Variants in ATP7B observed in about 807,000 individuals in gnomAD.
The protein encoded by ATP7B is copper-transporting ATPase 2.
Under a neutral mutation model 118.9 loss-of-function variants are expected in ATP7B, and 113 were observed. That is an observed-to-expected ratio of 0.95 (90% CI 0.82 to 1.11). The LOEUF is 1.11. Ranked by LOEUF, ATP7B falls within the 50% of genes most tolerant of loss-of-function variation. ATP7B has a pLI of 0.00. For synonymous variants in ATP7B, 777 were observed against 727.4 expected, an observed-to-expected ratio of 1.07 and a Z score of -1.10; for missense variants, 1,867 against 1,871.4, an observed-to-expected ratio of 1.00 and a Z score of 0.04.
Position 51,937,607 on chromosome 13 carries a change from T to G in ATP7B, c.3772A>C (p.Lys1258Gln). ...CCCACCATGGCGACTTTCTTCCCTT[T>G]ATTCTGGAGCTCCTGGACCTTGGCC... ...KVAKVQELQN[K>Q]GKKVAMVGDG... is the part of the protein sequence containing the mutation. The change falls in exon 18 of 21, where the codon AAA (lysine) becomes CAA (glutamine). Residue 1258 changes from lysine (K) to glutamine (Q), a missense_variant. Coordinates refer to ENST00000242839, the MANE Select transcript of ATP7B (RefSeq NM_000053.4). 1 of 1,614,262 alleles carries G rather than the reference T, an allele frequency of 6.2e-7. No individual in the cohort carries two copies. Among genetic ancestry groups the G allele is most frequent in the Non-Finnish European group, 8.5e-7 (1 of 1,180,052 alleles).
chr13:51,960,143 T>C lies in ATP7B; in HGVS notation c.2121+5A>G, dbSNP rs763275345. 6.4e-5 allele frequency: 103 copies of C among 1,613,420 alleles called. No individual in the cohort carries two copies. The South Asian group carries it at 1.0e-3, about 16-fold the overall frequency. On this transcript the variant is annotated splice_donor_5th_base_variant and intron_variant, in intron 7 of 20. Transcript: ENST00000242839. ...GGAGAGGTCTGCCCACTTTCTCATA[T>C]ATACCTGGACAAAGGTACACAAGAT...
intron 1 of ATP7B, among the ~76,000 whole-genome samples, chr13:51,993,306 A>T (rs530073670): frequency 6.6e-6 from 1 of 151,402 alleles, no homozygotes; most frequent in Non-Finnish European, 1.5e-5. Flanking sequence ...GGTGGCTCAC[A>T]TCTATAATCC....
intron 1 of ATP7B, among the ~76,000 whole-genome samples, chr13:51,998,987 G>A (rs1953353493): frequency 1.3e-5 from 2 of 152,190 alleles, no homozygotes; most frequent in African/African-American, 4.8e-5. Context: ...GGAGGGCAGA[G>A]CCTGACATTA....
In ATP7B at chr13:51,934,703, A is replaced by C; in HGVS notation, c.*53T>G. Reference sequence around the variant, plus strand: ...CATCCTGCTGCTGGCTGTCCTGCTCAGCTTGTGGTGAGTGGAGGCAAGTCC... The same window carrying C: ...CATCCTGCTGCTGGCTGTCCTGCTCCGCTTGTGGTGAGTGGAGGCAAGTCC... On this transcript the variant is annotated 3_prime_UTR_variant, in exon 21 of 21. Coordinates refer to ENST00000242839, the MANE Select transcript of ATP7B (RefSeq NM_000053.4). 1 of 1,607,774 alleles carries C rather than the reference A, an allele frequency of 6.2e-7. No individual in the cohort carries two copies. The highest frequency in any genetic ancestry group is 8.5e-7 in the Non-Finnish European group (1 of 1,179,560).
intron 5 of ATP7B, among the ~76,000 whole-genome samples, chr13:51,963,646 G>T (rs983593270): frequency 6.8e-6 from 1 of 147,290 alleles, no homozygotes; most frequent in Non-Finnish European, 1.5e-5. Flanking sequence ...CGAGGCAGGA[G>T]AATCGCTTGA....
intron 9 of ATP7B, among the ~76,000 whole-genome samples, chr13:51,954,760 G>A (rs1958229935): frequency 2.6e-5 from 4 of 152,146 alleles, no homozygotes; most frequent in African/African-American, 4.8e-5. Context: ...CAGACAGGCC[G>A]AGTCTGAGCC....
chr13:51,938,983 T>C (rs1957145518), intron 17 of ATP7B, 68 bp downstream of exon 17: 2 of 1,612,590 alleles, frequency 1.2e-6, no homozygotes, highest in South Asian at 1.1e-5. Context: ...CTGGGCCAAC[T>C]GGTGCTTACT....
chr13:51,957,823 C>T (rs1958456681), intron 8 of ATP7B: 3 of 584,404 alleles, frequency 5.1e-6, no homozygotes. Flanking sequence ...CCACTAAAGT[C>T]CGGGAATTAC....
At chr13:52,004,247 G>A (rs958736773) in intron 1 of ATP7B, among the ~76,000 whole-genome samples, 1 of 152,154 alleles carries the variant, frequency 6.6e-6, no homozygotes, top group African/African-American at 2.4e-5. Flanking sequence ...GGCTGACAGA[G>A]CAAGACTCTG....
intron 4 of ATP7B, chr13:51,966,672 C>A: frequency 8.0e-7 from 1 of 1,256,512 alleles, no homozygotes; most frequent in African/African-American, 1.5e-5. Context: ...AAAAAAAGAA[C>A]ACTACAGACA....
At chr13:51,951,794 C>T (rs1380873124) in intron 9 of ATP7B, among the ~76,000 whole-genome samples, 3 of 151,954 alleles carry the variant, frequency 2.0e-5, no homozygotes, top group African/African-American at 4.8e-5. Context: ...ACACTCTACA[C>T]GTAGGGTTTG....
At chr13:51,940,625 G>A (rs893280473) in intron 16 of ATP7B, among the ~76,000 whole-genome samples, 1 of 151,882 alleles carries the variant, frequency 6.6e-6, no homozygotes, top group East Asian at 2.0e-4. Context: ...CTACAGCCTG[G>A]GTGACAAGAG....
chr13:51,953,951 T>A (rs756916081), intron 9 of ATP7B, among the ~76,000 whole-genome samples: 10 of 151,232 alleles, frequency 6.6e-5, no homozygotes, highest in Non-Finnish European at 5.9e-5. Flanking sequence ...GTGTGCAGTA[T>A]GTTTCTTTAA....
intron 13 of ATP7B, 150 bp downstream of exon 13, chr13:51,946,134 C>T: frequency 9.3e-7 from 1 of 1,070,778 alleles, no homozygotes; most frequent in Non-Finnish European, 1.3e-6. Context: ...TCTGTTGCTA[C>T]TGTTGTTATT....
rs1957026103 is a variant in ATP7B at position 51,937,290 on chromosome 13, A to G, written c.4007T>C (p.Ile1336Thr). 2.5e-6 allele frequency: 4 copies of G among 1,614,102 alleles called. No homozygotes were observed. In the East Asian group the frequency reaches 8.9e-5, roughly 36 times the overall value. The change falls in exon 19 of 21, where the codon ATA becomes ACA. Residue 1336 changes from isoleucine (I) to threonine (T), a missense_variant. Transcript: ENST00000242839. ...GAGCTGCCTACCTGCTGCAATGGGT[A>G]TCCCAACCAGGTTATAAATCAGTGC... ...VLALIYNLVG[I>T]PIAAGVFMPI...
upstream of ATP7B, chr13:52,011,990 A>G (rs1242199713): frequency 9.4e-6 from 3 of 320,538 alleles, no homozygotes; most frequent in Admixed American, 1.4e-4. Context: ...GTCCCAAAGG[A>G]AGCAACCGCG....
chr13:51,943,009 A>C (rs749643037), intron 14 of ATP7B, among the ~76,000 whole-genome samples: 5 of 152,232 alleles, frequency 3.3e-5, no homozygotes, highest in African/African-American at 1.2e-4. Context: ...GACTATCAAG[A>C]GATAACTGCC....
In ATP7B at chr13:51,973,916, C is replaced by T. The variant is rs761627337; in HGVS notation, c.1285+19G>A. On this transcript the variant is annotated intron_variant, in intron 2 of 20. Transcript: ENST00000242839. Reference sequence around the variant, plus strand: ...GAAAAGGAGACAAGCTCAGGACATGCCTCAAACACACTACGTACCAGAAAC... The same window carrying T: ...GAAAAGGAGACAAGCTCAGGACATGTCTCAAACACACTACGTACCAGAAAC... 6.2e-7 allele frequency: 1 copy of T among 1,614,050 alleles called. No homozygotes were observed. The highest frequency in any genetic ancestry group is 1.3e-5 in the African/African-American group (1 of 74,930).
rs759105225 is a variant in ATP7B at position 51,964,821 on chromosome 13, T to C, written c.1869+51A>G. 20 of 1,589,636 alleles carry C rather than the reference T, an allele frequency of 1.3e-5. No individual in the cohort carries two copies. In the East Asian group the frequency reaches 3.1e-4, roughly 25 times the overall value. ...TTTTCTCATTTTTCTTCACTGATTA[T>C]ATATTACTGTTTTTAAAAAGGTGAC... On this transcript the variant is annotated intron_variant, in intron 5 of 20. Coordinates refer to ENST00000242839, the MANE Select transcript of ATP7B (RefSeq NM_000053.4).
Sources: allele counts gnomAD v4.1 joint callset (sites outside exome capture counted in the v4.1 genomes callset), GRCh38; gene constraint gnomAD v4.1.1; transcripts MANE v1.5; gene names NCBI Gene and HGNC (gene_info 2026-07-23, HGNC 2026-07-21).